STAG1: variants seen among roughly 807,000 people sequenced by gnomAD.
STAG1 encodes the protein cohesin subunit SA-1.
Under a neutral mutation model 170.9 loss-of-function variants are expected in STAG1, and 26 were observed. The observed-to-expected ratio is 0.15, with a 90% CI of 0.11 to 0.21. The LOEUF (loss-of-function observed/expected upper bound fraction) is 0.21. Among genes scored for constraint, STAG1 ranks in the 10% least tolerant of loss-of-function variants. STAG1 has a pLI of 1.00. For synonymous variants in STAG1, 514 were observed against 497.7 expected (o/e 1.03, Z -0.44); for missense variants, 964 against 1,509.5 (o/e 0.64, Z 5.99).
chr3:136,695,593 C>A (rs1942861486), intron 1 of STAG1, among the ~76,000 whole-genome samples: 1 of 146,888 alleles, frequency 6.8e-6, no homozygotes. Context: ...ACACAAAAGT[C>A]GAAATAAAAA....
intron 1 of STAG1, among the ~76,000 whole-genome samples, chr3:136,638,772 T>C (rs1048781166): frequency 2.0e-5 from 3 of 152,108 alleles, no homozygotes; most frequent in East Asian, 3.9e-4. Flanking sequence ...CATGGTAGCA[T>C]GCGCCCGTAA....
At chr3:136,615,377 G>GGCAC (rs1939532995) in intron 3 of STAG1, among the ~76,000 whole-genome samples, 1 of 133,132 alleles carries the variant, frequency 7.5e-6, no homozygotes, top group Non-Finnish European at 1.5e-5. Context: ...CCTGTGAGCT[G>GGCAC]AGATCGTGTC....
intron 31 of STAG1, among the ~76,000 whole-genome samples, chr3:136,341,227 C>G (rs1485760473): frequency 6.6e-6 from 1 of 152,200 alleles, no homozygotes; most frequent in African/African-American, 2.4e-5. Flanking sequence ...TGTTTTAGAG[C>G]TTGTCCAAGG....
chr3:136,586,693 A>C (rs1937845678), intron 4 of STAG1: 1 of 304,954 alleles, frequency 3.3e-6, no homozygotes, highest in African/African-American at 2.2e-5. Context: ...AAAGCAAAAT[A>C]TTTACTGCAT....
chr3:136,460,585 A>G (rs936612732), intron 13 of STAG1, among the ~76,000 whole-genome samples: 4 of 152,220 alleles, frequency 2.6e-5, no homozygotes, highest in African/African-American at 4.8e-5. Context: ...CAGGACAACA[A>G]CAGCAAAACT....
chr3:136,701,544 C>A (rs113871743), intron 1 of STAG1, among the ~76,000 whole-genome samples: 7 of 152,226 alleles, frequency 4.6e-5, no homozygotes, highest in African/African-American at 1.4e-4. Flanking sequence ...TAAGAAAGAT[C>A]TGAACTCGCT....
At position 136,671,003 on chromosome 3, in the gene STAG1, G is replaced by A. The variant is rs1014406715; in HGVS notation, c.-83-40022C>T. Among the ~76,000 whole-genome samples the A allele has an allele frequency of 3.0e-4, 45 of 152,162 alleles. 1 individual carries two copies. The highest frequency in any genetic ancestry group is 1.1e-3 in the African/African-American group (44 of 41,506). ...ATTTTCTCTTTAAAAGGAAAGTACC[G>A]GCCGGGTGTGGTGACTCACGCCTGT... On this transcript the variant is annotated intron_variant, in intron 1 of 33. Coordinates refer to ENST00000383202, the MANE Select transcript of STAG1 (RefSeq NM_005862.3).
chr3:136,573,826 C>T (rs867417289), intron 4 of STAG1, among the ~76,000 whole-genome samples: 2 of 151,096 alleles, frequency 1.3e-5, no homozygotes, highest in Non-Finnish European at 3.0e-5. Context: ...AAAAAATTAG[C>T]GGGGCGTGGT....
In STAG1 at chr3:136,460,329, C is replaced by T. The variant is rs573805127; in HGVS notation, c.1313+4552G>A. Among the ~76,000 whole-genome samples, 55 of 152,240 alleles carry T rather than the reference C, an allele frequency of 3.6e-4. 1 individual carries two copies. The South Asian group carries it at 9.6e-3, about 26-fold the overall frequency. On this transcript the variant is annotated intron_variant, in intron 13 of 33. Coordinates refer to ENST00000383202, the MANE Select transcript of STAG1 (RefSeq NM_005862.3). Reference sequence around the variant, plus strand: ...TAAAGAAATAGAAAACTGCCGGGCACGGTGGCTCACGCCTTTAGTCCCAGC... The same window carrying T: ...TAAAGAAATAGAAAACTGCCGGGCATGGTGGCTCACGCCTTTAGTCCCAGC...
Position 136,349,182 on chromosome 3 carries a change from G to C in STAG1, c.3247C>G (p.Pro1083Ala). Residue 1083 changes from proline to alanine, a missense_variant, in exon 29 of 34, where the codon CCA becomes GCA. By Grantham distance (27) the Pro-to-Ala change is conservative (BLOSUM62 -1). This residue lies in a region of STAG1 where 122 missense variants were observed against 129.0 expected (regional missense o/e 0.95). Transcript: ENST00000383202. Reference sequence around the variant, plus strand: ...CCTTCTACTCGTTTTTTATGAAGTGGAGGTCGTCCTTTCTTATTCCTTACT... The same window carrying C: ...CCTTCTACTCGTTTTTTATGAAGTGCAGGTCGTCCTTTCTTATTCCTTACT... ...SSVRNKKGRP[P>A]LHKKRVEDES... 1 of 1,614,024 alleles carries C rather than the reference G, an allele frequency of 6.2e-7. No homozygotes were observed. The highest frequency in any genetic ancestry group is 8.5e-7 in the Non-Finnish European group (1 of 1,179,932).
intron 6 of STAG1, among the ~76,000 whole-genome samples, chr3:136,535,359 T>C (rs749590886): frequency 7.9e-5 from 12 of 152,154 alleles, no homozygotes; most frequent in East Asian, 1.9e-4. Context: ...ATATATTATA[T>C]ATTTCAAAAT....
At chr3:136,527,722 A>G (rs1935121214) in intron 6 of STAG1, among the ~76,000 whole-genome samples, 2 of 151,794 alleles carry the variant, frequency 1.3e-5, no homozygotes, top group Non-Finnish European at 2.9e-5. Flanking sequence ...GGTTTCATCT[A>G]CCTTTGGTCT....
chr3:136,471,171 T>C (rs1300293880), intron 12 of STAG1, among the ~76,000 whole-genome samples: 11 of 151,290 alleles, frequency 7.3e-5, no homozygotes, highest in Admixed American at 7.3e-4. Context: ...AGTTTTAATG[T>C]GCTATGATCA....
In STAG1 at chr3:136,556,015, T is replaced by C. The variant is rs1262757633; in HGVS notation, c.394+12750A>G. 7.9e-5 allele frequency among the ~76,000 whole-genome samples: 12 copies of C among 152,264 alleles called. No individual in the cohort carries two copies. In the East Asian group the frequency reaches 1.7e-3, roughly 22 times the overall value. ...ACCAAACCTAGCAATAATTTAAAAA[T>C]ATATCATGACCAAGTTGAATTCGTT... On this transcript the variant is annotated intron_variant, in intron 5 of 33. Transcript: ENST00000383202.
chr3:136,587,472 G>A (rs1013347611), intron 4 of STAG1, among the ~76,000 whole-genome samples: 3 of 144,966 alleles, frequency 2.1e-5, no homozygotes, highest in Admixed American at 1.4e-4. Context: ...CCTGGAAGGT[G>A]GAGGTTGCAG....
intron 4 of STAG1, among the ~76,000 whole-genome samples, chr3:136,576,550 A>G (rs1937461602): frequency 6.6e-6 from 1 of 152,240 alleles, no homozygotes; most frequent in African/African-American, 2.4e-5. Flanking sequence ...AAAAATTAAT[A>G]TTCTGTCTTG....
chr3:136,676,592 T>C (rs1409044494), intron 1 of STAG1, among the ~76,000 whole-genome samples: 15 of 152,122 alleles, frequency 9.9e-5, no homozygotes, highest in African/African-American at 2.4e-5. Flanking sequence ...ACTAAAGGCA[T>C]GTGCCACCAT....
chr3:136,731,450 T>C (rs950831000), intron 1 of STAG1, among the ~76,000 whole-genome samples: 2 of 152,228 alleles, frequency 1.3e-5, no homozygotes, highest in African/African-American at 4.8e-5. Flanking sequence ...TGGCCAAGTA[T>C]CTTTAGGCAG....
At chr3:136,421,221 T>C in intron 19 of STAG1, 58 bp from the exon 20 acceptor site, 1 of 1,049,864 alleles carries the variant, frequency 9.5e-7, no homozygotes, top group Non-Finnish European at 1.4e-6. Flanking sequence ...AGTATATTAC[T>C]ACTTATTGCC....
Sources: allele counts gnomAD v4.1 joint callset (sites outside exome capture counted in the v4.1 genomes callset), GRCh38; gene constraint gnomAD v4.1.1; regional missense constraint gnomAD v4.1.1; transcripts MANE v1.5; gene names NCBI Gene and HGNC (gene_info 2026-07-23, HGNC 2026-07-21).